RSRC1: variants seen among roughly 807,000 people sequenced by gnomAD.
RSRC1 encodes the protein arginine and serine rich coiled-coil 1, also known as serine/Arginine-related protein 53.
Under a neutral mutation model 49.1 loss-of-function variants are expected in RSRC1, and 39 were observed. The ratio of observed to expected loss-of-function variants is 0.79; its 90% confidence interval spans 0.61 to 1.04. The LOEUF is 1.04. Among genes scored for constraint, RSRC1 ranks in the 50% least tolerant of loss-of-function variants. The probability of loss-of-function intolerance (pLI) is 0.00; values close to 1 mark genes in which losing one functional copy is unlikely to be tolerated. For synonymous variants in RSRC1, 143 were observed against 130.8 expected (o/e 1.09, Z -0.63); for missense variants, 388 against 402.4 (o/e 0.96, Z 0.31).
chr3:158,351,946 TTATAA>T (rs1235070926), intron 5 of RSRC1, among the ~76,000 whole-genome samples: 4 of 147,402 alleles, frequency 2.7e-5, no homozygotes, highest in African/African-American at 7.4e-5. Context: ...TAATAGATAA[TTATAA>T]TATATAAATA....
At chr3:158,359,431 A>T (rs1286801357) in intron 6 of RSRC1, among the ~76,000 whole-genome samples, 1 of 152,190 alleles carries the variant, frequency 6.6e-6, no homozygotes, top group African/African-American at 2.4e-5. Context: ...CCACTGCTAG[A>T]TGATTCTTTG....
At chr3:158,194,225 G>A (rs930941431) in intron 3 of RSRC1, among the ~76,000 whole-genome samples, 1 of 151,534 alleles carries the variant, frequency 6.6e-6, no homozygotes, top group South Asian at 2.1e-4. Flanking sequence ...AGTAAGATAC[G>A]ATCATCCTGC....
intron 7 of RSRC1, among the ~76,000 whole-genome samples, chr3:158,482,368 A>G (rs886325850): frequency 6.6e-6 from 1 of 152,092 alleles, no homozygotes. Flanking sequence ...CCTGCGTAAC[A>G]TAAATCTTAA....
At chr3:158,177,682 T>TA in intron 3 of RSRC1, among the ~76,000 whole-genome samples, 1 of 151,966 alleles carries the variant, frequency 6.6e-6, no homozygotes, top group Non-Finnish European at 1.5e-5. Context: ...TTAGGAGAAA[T>TA]ACGTAATGTA....
intron 3 of RSRC1, among the ~76,000 whole-genome samples, chr3:158,164,456 AC>A (rs1718422686): frequency 1.3e-5 from 2 of 152,102 alleles, no homozygotes; most frequent in Non-Finnish European, 2.9e-5. Context: ...ACTTATTTAA[AC>A]ATCTACAAAA....
At chr3:158,150,346 A>G (rs1717444171) in intron 3 of RSRC1, among the ~76,000 whole-genome samples, 1 of 152,240 alleles carries the variant, frequency 6.6e-6, no homozygotes, top group African/African-American at 2.4e-5. Context: ...AACCAAAGAA[A>G]AGGGTTGGAT....
At chr3:158,290,114 T>C (rs963498502) in intron 4 of RSRC1, among the ~76,000 whole-genome samples, 2 of 152,204 alleles carry the variant, frequency 1.3e-5, no homozygotes, top group African/African-American at 4.8e-5. Flanking sequence ...ATTAGGCTGT[T>C]GTATTGAACC....
intron 6 of RSRC1, among the ~76,000 whole-genome samples, chr3:158,378,981 C>T (rs73874391): frequency 0.073 from 11,143 of 152,114 alleles, 480 homozygotes; most frequent in South Asian, 0.13. Flanking sequence ...GATCTATCAG[C>T]GACTTCTGGG....
At chr3:158,388,612 GTT>G (rs11354237) in intron 6 of RSRC1, among the ~76,000 whole-genome samples, 2 of 143,940 alleles carry the variant, frequency 1.4e-5, no homozygotes. Context: ...CGTGTTTTTT[GTT>G]TTTTTTTTTT....
Position 158,511,267 on chromosome 3 carries a change from C to G in RSRC1, c.653-25825C>G, listed in dbSNP as rs543662288. On this transcript the variant is annotated intron_variant, in intron 7 of 9. Transcript: ENST00000611884. ...GCTATCCCTTCCCCCTCCCCCTACC[C>G]CACAGCAGTCCCCAGAGTGTGATGT... Among the ~76,000 whole-genome samples, 2 of 152,182 alleles carry G rather than the reference C, an allele frequency of 1.3e-5. 1 individual carries two copies. The highest frequency in any genetic ancestry group is 4.8e-5 in the African/African-American group (2 of 41,508).
At chr3:158,383,411 A>G (rs955484893) in intron 6 of RSRC1, among the ~76,000 whole-genome samples, 9 of 152,160 alleles carry the variant, frequency 5.9e-5, no homozygotes, top group East Asian at 5.8e-4. Flanking sequence ...CTTGGAATCA[A>G]TCCTCTGTGG....
chr3:158,220,274 G>C (rs1025229500), intron 4 of RSRC1, among the ~76,000 whole-genome samples: 1 of 151,532 alleles, frequency 6.6e-6, no homozygotes, highest in Admixed American at 6.6e-5. Context: ...AAAGTAGAAA[G>C]GAACTTGAAA....
intron 4 of RSRC1, among the ~76,000 whole-genome samples, chr3:158,233,185 A>C (rs77777723): frequency 1.7e-3 from 261 of 152,286 alleles, no homozygotes; most frequent in African/African-American, 5.8e-3. Context: ...CTTTGACACT[A>C]TCATCTTCAG....
chr3:158,351,176 C>G (rs1323009044), intron 5 of RSRC1, among the ~76,000 whole-genome samples: 1 of 152,218 alleles, frequency 6.6e-6, no homozygotes, highest in East Asian at 1.9e-4. Flanking sequence ...AGCCAAGAGG[C>G]CTGTGGTGAT....
intron 7 of RSRC1, among the ~76,000 whole-genome samples, chr3:158,494,534 A>C (rs906389778): frequency 6.6e-6 from 1 of 152,184 alleles, no homozygotes; most frequent in Non-Finnish European, 1.5e-5. Flanking sequence ...AATTAACCTT[A>C]GCTTACTGTA....
chr3:158,523,301 G>A (rs1711809222), intron 7 of RSRC1, among the ~76,000 whole-genome samples: 1 of 151,896 alleles, frequency 6.6e-6, no homozygotes, highest in Non-Finnish European at 1.5e-5. Context: ...CTCAGAATCA[G>A]TTTTACATGA....
chr3:158,110,658 C>T (rs180814958), intron 1 of RSRC1: 1 of 152,614 alleles, frequency 6.6e-6, no homozygotes, highest in East Asian at 1.9e-4. Flanking sequence ...CCCATCCACT[C>T]CACTGTCCCT....
intron 5 of RSRC1, among the ~76,000 whole-genome samples, chr3:158,344,484 T>G (rs1322911922): frequency 6.6e-6 from 1 of 152,160 alleles, no homozygotes; most frequent in African/African-American, 2.4e-5. Context: ...AAGAAAAGTT[T>G]TATAAAATTT....
At chr3:158,220,881 C>T (rs1722191986) in intron 4 of RSRC1, among the ~76,000 whole-genome samples, 2 of 151,556 alleles carry the variant, frequency 1.3e-5, no homozygotes, top group Non-Finnish European at 3.0e-5. Flanking sequence ...AACATGGATT[C>T]TGCCTTTGCT....
Sources: allele counts gnomAD v4.1 joint callset (sites outside exome capture counted in the v4.1 genomes callset), GRCh38; gene constraint gnomAD v4.1.1; transcripts MANE v1.5; gene names NCBI Gene and HGNC (gene_info 2026-07-23, HGNC 2026-07-21).